Variants in ST8SIA2 observed in about 807,000 individuals in gnomAD.
The protein encoded by ST8SIA2 is alpha-2,8-sialyltransferase 8B.
Under a neutral mutation model 37.6 loss-of-function variants are expected in ST8SIA2, and 22 were observed. That is an observed-to-expected ratio of 0.58 (90% CI 0.42 to 0.83). ST8SIA2 has a LOEUF of 0.83. Among genes scored for constraint, ST8SIA2 ranks in the 40% least tolerant of loss-of-function variants. ST8SIA2 has a pLI of 0.00. For missense variants in ST8SIA2, 382 were observed against 484.7 expected (o/e 0.79, Z 1.99); for synonymous variants, 205 against 201.2 (o/e 1.02, Z -0.16).
intron 5 of ST8SIA2, among the ~76,000 whole-genome samples, chr15:92,445,751 A>G (rs1248341260): frequency 2.0e-5 from 3 of 152,372 alleles, no homozygotes; most frequent in East Asian, 3.9e-4. Flanking sequence ...GATTCCAAGA[A>G]TTAAGGAAAA....
intron 1 of ST8SIA2, among the ~76,000 whole-genome samples, chr15:92,427,917 A>C (rs2049688577): frequency 6.6e-6 from 1 of 152,232 alleles, no homozygotes; most frequent in Admixed American, 6.5e-5. Context: ...CAGGAGGCGG[A>C]GTTTGCAGTG....
At chr15:92,417,936 C>G (rs982644759) in intron 1 of ST8SIA2, among the ~76,000 whole-genome samples, 9 of 152,108 alleles carry the variant, frequency 5.9e-5, no homozygotes, top group African/African-American at 1.7e-4. Context: ...TGCTGAGTAA[C>G]CCTTGCTTCC....
chr15:92,427,505 A>G (rs1725585132), intron 1 of ST8SIA2, among the ~76,000 whole-genome samples: 1 of 152,182 alleles, frequency 6.6e-6, no homozygotes, highest in South Asian at 2.1e-4. Context: ...TTTTAGTACA[A>G]GCCAAATTTT....
rs908165509 is a variant in ST8SIA2 at position 92,434,334 on chromosome 15, G to A, written c.249G>A (p.Ser83=). 15 of 1,613,972 alleles carry A rather than the reference G, an allele frequency of 9.3e-6. No individual in the cohort carries two copies. Among genetic ancestry groups the A allele is most frequent in the East Asian group, 4.5e-5 (2 of 44,884 alleles). The change falls in exon 3 of 6, where the codon TCG becomes TCA. Residue 83 remains serine (S), a synonymous_variant. Transcript: ENST00000268164. ...TCAAGCACAACATCCAGCCAGCCTC[G>A]TCCAAATGGAGACATAACCAGACGC... ...ESIKHNIQPA[S]SKWRHNQTLS...
intron 1 of ST8SIA2, among the ~76,000 whole-genome samples, chr15:92,429,352 GA>G (rs2049698682): frequency 6.6e-6 from 1 of 152,208 alleles, no homozygotes; most frequent in Non-Finnish European, 1.5e-5. Context: ...CGTGTGGCCA[GA>G]CAGAATGGGA....
chr15:92,401,504 C>G (rs949655127), intron 1 of ST8SIA2, among the ~76,000 whole-genome samples: 1 of 152,182 alleles, frequency 6.6e-6, no homozygotes. Flanking sequence ...AAGGAGGAAA[C>G]GGCTCCAACT....
intron 1 of ST8SIA2, among the ~76,000 whole-genome samples, chr15:92,396,439 G>A (rs2049430614): frequency 6.6e-6 from 1 of 151,936 alleles, no homozygotes. Flanking sequence ...CTGCTTACAA[G>A]TGAGGGGTTT....
Position 92,455,834 on chromosome 15 carries a change from T to A in ST8SIA2, c.843-8266T>A, listed in dbSNP as rs186701832. 1.9e-3 allele frequency among the ~76,000 whole-genome samples: 295 copies of A among 152,364 alleles called. 4 individuals are homozygous for A. Among genetic ancestry groups the A allele is most frequent in the African/African-American group, 6.6e-3 (275 of 41,586 alleles). ...GTTAATTTTTATAGTTACTGCCAAT[T>A]ACCCTCCCTAGAGGTAGGTATCGAT... On this transcript the variant is annotated intron_variant, in intron 5 of 5. Transcript: ENST00000268164.
chr15:92,462,904 G>A (rs1466436032), intron 5 of ST8SIA2, among the ~76,000 whole-genome samples: 1 of 152,246 alleles, frequency 6.6e-6, no homozygotes, highest in East Asian at 1.9e-4. Context: ...GAGAATAACT[G>A]TGATGGAACG....
At chr15:92,434,744 C>A (rs576756494) in intron 3 of ST8SIA2, among the ~76,000 whole-genome samples, 12 of 152,328 alleles carry the variant, frequency 7.9e-5, no homozygotes, top group African/African-American at 2.9e-4. Context: ...GGAGTCACAT[C>A]CCCTTTCAGT....
At chr15:92,453,924 C>T (rs1009117886) in intron 5 of ST8SIA2, among the ~76,000 whole-genome samples, 5 of 152,250 alleles carry the variant, frequency 3.3e-5, no homozygotes, top group African/African-American at 9.6e-5. Context: ...TCCTTCCGGA[C>T]GCTGGGAAGA....
chr15:92,397,208 G>T (rs1567208334), intron 1 of ST8SIA2, among the ~76,000 whole-genome samples: 1 of 152,192 alleles, frequency 6.6e-6, no homozygotes, highest in African/African-American at 2.4e-5. Flanking sequence ...AGAAGAAAGT[G>T]AATTACATGT....
At chr15:92,447,078 G>A (rs2049847791) in intron 5 of ST8SIA2, among the ~76,000 whole-genome samples, 1 of 152,222 alleles carries the variant, frequency 6.6e-6, no homozygotes. Context: ...GGAAGCTGCT[G>A]CAATAGCTCT....
At chr15:92,421,922 C>T (rs1423867212) in intron 1 of ST8SIA2, among the ~76,000 whole-genome samples, 4 of 152,178 alleles carry the variant, frequency 2.6e-5, no homozygotes, top group East Asian at 1.9e-4. Context: ...CACAAAATTA[C>T]ATTATTCTCA....
chr15:92,419,941 C>T (rs2049620021), intron 1 of ST8SIA2, among the ~76,000 whole-genome samples: 1 of 152,242 alleles, frequency 6.6e-6, no homozygotes, highest in South Asian at 2.1e-4. Context: ...TCTCGGCTCA[C>T]TGCAACCTCC....
Position 92,468,681 on chromosome 15 carries a change from T to C in ST8SIA2, c.*4296T>C, listed in dbSNP as rs893247105. On this transcript the variant is annotated 3_prime_UTR_variant, in exon 6 of 6. Coordinates refer to ENST00000268164, the MANE Select transcript of ST8SIA2 (RefSeq NM_006011.4). ...CCATCACAGCACTAGGCGTGGTGCA[T>C]AGCACACAGCAGTTGCTCAATAAAT... is the stretch of plus-strand genomic sequence containing the variant. 5 of 152,712 alleles carry C rather than the reference T, an allele frequency of 3.3e-5. No individual in the cohort carries two copies. Among genetic ancestry groups the C allele is most frequent in the African/African-American group, 1.2e-4 (5 of 41,480 alleles). The allele number at this position is 152,712 out of a possible 1,614,324, so 9.5% of individuals were successfully genotyped here. A position where few individuals can be genotyped will look rare whatever the true frequency, so the allele number is the denominator to read the frequency against.
intron 5 of ST8SIA2, among the ~76,000 whole-genome samples, chr15:92,462,364 CA>C (rs2049963365): frequency 6.6e-6 from 1 of 152,172 alleles, no homozygotes; most frequent in South Asian, 2.1e-4. Flanking sequence ...ACACCTCCTA[CA>C]AACACACAAA....
chr15:92,396,643 G>GCA (rs1191963301), intron 1 of ST8SIA2, among the ~76,000 whole-genome samples: 4 of 151,974 alleles, frequency 2.6e-5, no homozygotes, highest in African/African-American at 7.2e-5. Flanking sequence ...ACAGGCACCT[G>GCA]CCACCACACC....
At position 92,438,447 on chromosome 15, in the gene ST8SIA2, C is replaced by A. The variant is rs772588818; in HGVS notation, c.385C>A (p.Arg129=). 53 of 1,614,084 alleles carry A rather than the reference C, an allele frequency of 3.3e-5. No individual in the cohort carries two copies. Among genetic ancestry groups the A allele is most frequent in the Non-Finnish European group, 4.0e-5 (47 of 1,180,040 alleles). The part of the protein sequence containing the change: ...PGDIIHYIFD[R]DSTMNVSQNL... ...AGATATTATTCATTACATCTTCGAT[C>A]GAGACAGCACCATGAATGTGTCCCA... Residue 129 remains arginine (R), a synonymous_variant, in exon 4 of 6, where the codon CGA becomes AGA. Coordinates refer to ENST00000268164, the MANE Select transcript of ST8SIA2 (RefSeq NM_006011.4).
Sources: allele counts gnomAD v4.1 joint callset (sites outside exome capture counted in the v4.1 genomes callset), GRCh38; gene constraint gnomAD v4.1.1; transcripts MANE v1.5; gene names NCBI Gene and HGNC (gene_info 2026-07-23, HGNC 2026-07-21).